The following DCC variants were observed in gnomAD, a reference collection of about 807,000 sequenced individuals.
DCC encodes netrin receptor DCC.
In DCC, 58 loss-of-function variants were observed where a neutral mutation model predicts 172.5. The ratio of observed to expected loss-of-function variants is 0.34; its 90% CI spans 0.27 to 0.42. DCC has a LOEUF of 0.42. Ranked by LOEUF, DCC falls within the 10% of genes least tolerant of loss-of-function variation. DCC has a pLI of 1.00. For missense variants in DCC, 1,740 were observed against 1,791.0 expected, an observed-to-expected ratio of 0.97 and a Z score of 0.51; for synonymous variants, 709 against 644.5, an observed-to-expected ratio of 1.10 and a Z score of -1.52.
chr18:52,811,840 A>G (rs1268159540), intron 2 of DCC, among the ~76,000 whole-genome samples: 1 of 152,170 alleles, frequency 6.6e-6, no homozygotes, highest in Admixed American at 6.5e-5. Context: ...TCTTTATCGT[A>G]TCAAATAAAG....
intron 1 of DCC, among the ~76,000 whole-genome samples, chr18:52,415,375 A>G (rs969082514): frequency 6.6e-6 from 1 of 152,216 alleles, no homozygotes. Flanking sequence ...TCTAAGCCTG[A>G]AGGGAGAAAA....
At chr18:53,118,568 T>C (rs939544598) in intron 7 of DCC, among the ~76,000 whole-genome samples, 1 of 151,820 alleles carries the variant, frequency 6.6e-6, no homozygotes, top group Non-Finnish European at 1.5e-5. Flanking sequence ...GAATTACTAA[T>C]TCTGAGTATA....
At chr18:52,984,795 C>A (rs1393931768) in intron 5 of DCC, among the ~76,000 whole-genome samples, 2 of 152,050 alleles carry the variant, frequency 1.3e-5, no homozygotes, top group Admixed American at 6.6e-5. Flanking sequence ...AAATGTAATT[C>A]TTTTTCCCCA....
At chr18:52,353,517 C>A (rs1396807840) in intron 1 of DCC, among the ~76,000 whole-genome samples, 2 of 152,196 alleles carry the variant, frequency 1.3e-5, no homozygotes, top group Non-Finnish European at 2.9e-5. Context: ...CATACTGAAC[C>A]TCGCCTTTTG....
intron 15 of DCC, among the ~76,000 whole-genome samples, chr18:53,376,660 C>G (rs1907310854): frequency 6.6e-6 from 1 of 152,140 alleles, no homozygotes; most frequent in Admixed American, 6.5e-5. Context: ...AAAGAGGCCA[C>G]CATACCACAG....
intron 1 of DCC, among the ~76,000 whole-genome samples, chr18:52,542,850 C>T (rs1804627191): frequency 1.3e-5 from 2 of 151,678 alleles, no homozygotes; most frequent in South Asian, 4.2e-4. Context: ...AAAAAAAAAG[C>T]AACTAGGAAC....
intron 21 of DCC, among the ~76,000 whole-genome samples, chr18:53,429,089 T>G (rs1345668482): frequency 3.1e-4 from 29 of 92,192 alleles, no homozygotes; most frequent in Admixed American, 1.4e-3. Context: ...TTTTATATAA[T>G]ATATATTTTA....
At chr18:52,852,223 A>G (rs2038985932) in intron 2 of DCC, among the ~76,000 whole-genome samples, 2 of 152,128 alleles carry the variant, frequency 1.3e-5, no homozygotes. Context: ...GATTGGTACT[A>G]TTATTGACAC....
At position 52,495,940 on chromosome 18, in the gene DCC, G is replaced by A. The variant is rs549785074; in HGVS notation, c.91+155062G>A. ...TTCATTTTTACCATCTATCAAATGG[G>A]GAAGAAAACCCTGCTTTCTATGTTT... On this transcript the variant is annotated intron_variant, in intron 1 of 28. Coordinates refer to ENST00000442544, the MANE Select transcript of DCC (RefSeq NM_005215.4). Among the ~76,000 whole-genome samples the A allele has an allele frequency of 3.8e-4, 57 of 151,908 alleles. 1 individual carries two copies. In the East Asian group the frequency reaches 0.01, roughly 28 times the overall value.
chr18:53,023,987 T>C (rs998852563), intron 5 of DCC, among the ~76,000 whole-genome samples: 1 of 152,138 alleles, frequency 6.6e-6, no homozygotes, highest in Non-Finnish European at 1.5e-5. Context: ...CAGTTATGGT[T>C]CAGATGAATA....
intron 12 of DCC, among the ~76,000 whole-genome samples, chr18:53,264,580 A>G (rs937063870): frequency 6.6e-6 from 1 of 152,058 alleles, no homozygotes; most frequent in African/African-American, 2.4e-5. Context: ...ACTGTGATTA[A>G]CGGTCCTCTT....
intron 5 of DCC, among the ~76,000 whole-genome samples, chr18:53,039,762 A>G (rs1378094792): frequency 6.6e-6 from 1 of 151,968 alleles, no homozygotes; most frequent in Non-Finnish European, 1.5e-5. Context: ...ATCACAAGGG[A>G]TATAAAAACT....
intron 5 of DCC, among the ~76,000 whole-genome samples, chr18:53,034,109 T>A (rs537410346): frequency 5.5e-4 from 83 of 152,174 alleles, no homozygotes; most frequent in African/African-American, 1.8e-3. Flanking sequence ...GATGATATTC[T>A]TCAGTCTCTT....
At chr18:52,485,368 G>C (rs1404788437) in intron 1 of DCC, among the ~76,000 whole-genome samples, 1 of 152,094 alleles carries the variant, frequency 6.6e-6, no homozygotes, top group Non-Finnish European at 1.5e-5. Flanking sequence ...AGCACTGTTG[G>C]AGATCAGTTA....
At chr18:53,260,890 G>A (rs770986113) in intron 12 of DCC, among the ~76,000 whole-genome samples, 1 of 152,116 alleles carries the variant, frequency 6.6e-6, no homozygotes, top group African/African-American at 2.4e-5. Flanking sequence ...ACCTACTCAA[G>A]CCTCAGCAAT....
At chr18:52,634,411 A>G (rs79851445) in intron 1 of DCC, among the ~76,000 whole-genome samples, 28,921 of 152,208 alleles carry the variant, frequency 0.19, 3,025 homozygotes, top group South Asian at 0.33. Context: ...GTAGTATCAC[A>G]TTAATTATTC....
chr18:53,329,891 A>G (rs1468293353), intron 14 of DCC, among the ~76,000 whole-genome samples: 1 of 152,330 alleles, frequency 6.6e-6, no homozygotes, highest in East Asian at 1.9e-4. Flanking sequence ...CAGAACATAG[A>G]AACAGCCCCT....
intron 1 of DCC, among the ~76,000 whole-genome samples, chr18:52,707,546 G>C (rs748479914): frequency 3.3e-5 from 5 of 152,184 alleles, no homozygotes; most frequent in African/African-American, 4.8e-5. Flanking sequence ...TCAATATGTT[G>C]AAGAGGTATC....
At chr18:53,477,301 G>A (rs1020789323) in intron 25 of DCC, among the ~76,000 whole-genome samples, 1 of 152,160 alleles carries the variant, frequency 6.6e-6, no homozygotes, top group African/African-American at 2.4e-5. Flanking sequence ...GAGCCACTGT[G>A]CCTGGCCCAA....
Sources: allele counts gnomAD v4.1 joint callset (sites outside exome capture counted in the v4.1 genomes callset), GRCh38; gene constraint gnomAD v4.1.1; transcripts MANE v1.5; gene names NCBI Gene and HGNC (gene_info 2026-07-23, HGNC 2026-07-21).